The following ACACB variants were observed in gnomAD, a reference collection of about 807,000 sequenced individuals.
ACACB encodes the protein acetyl-CoA carboxylase beta.
ACACB carries 209 observed loss-of-function variants against 278.8 expected under a neutral mutation model. That is an observed-to-expected ratio of 0.75 (90% confidence interval 0.67 to 0.84). The LOEUF (loss-of-function observed/expected upper bound fraction) is 0.84, where lower values mean the gene tolerates loss of function less well. ACACB is among the 40% of genes least tolerant of loss of function. The pLI, the probability that ACACB is intolerant of heterozygous loss-of-function variation, is 0.00. For synonymous variants in ACACB, 1,174 were observed against 1,285.6 expected (o/e 0.91, Z 1.86); for missense variants, 2,850 against 3,269.0 (o/e 0.87, Z 3.13).
At position 109,265,186 on chromosome 12, in the gene ACACB, A is replaced by T; in HGVS notation, c.7019A>T (p.Lys2340Met). Reference sequence around the variant, plus strand: ...CGCCTCCTCCTGGAGGACCAGGTCAAGCAGGAGATCCTGCAGGCCAGCGGG... The same window carrying T: ...CGCCTCCTCCTGGAGGACCAGGTCATGCAGGAGATCCTGCAGGCCAGCGGG... Reference protein sequence around the residue: ...LRRLLLEDQVKQEILQASGEL... With the variant: ...LRRLLLEDQVMQEILQASGEL... Residue 2340 changes from lysine to methionine, a missense_variant, in exon 51 of 53, where the codon AAG becomes ATG. By Grantham distance (95) the Lys-to-Met change is moderately conservative. This residue lies in a region of ACACB where 579 missense variants were observed against 684.6 expected (regional missense o/e 0.85). Transcript: ENST00000338432. The T allele has an allele frequency of 6.2e-7, 1 of 1,613,832 alleles. No individual in the cohort carries two copies. The highest frequency in any genetic ancestry group is 8.5e-7 in the Non-Finnish European group (1 of 1,180,020).
At chr12:109,161,447 G>A (rs994325205) in intron 2 of ACACB, among the ~76,000 whole-genome samples, 4 of 152,096 alleles carry the variant, frequency 2.6e-5, no homozygotes, top group Non-Finnish European at 4.4e-5. Context: ...GGAGGCTGAG[G>A]GAGGAAAATT....
intron 43 of ACACB, 107 bp from the exon 44 acceptor site, chr12:109,254,107 A>G (rs2047163993): frequency 1.5e-6 from 2 of 1,375,898 alleles, no homozygotes; most frequent in Non-Finnish European, 2.1e-6. Flanking sequence ...GGGAGGGGAT[A>G]TTGCTGCATA....
In ACACB at chr12:109,259,112, AG is replaced by A. The variant is rs1441242236; in HGVS notation, c.6496+5del. On this transcript the variant is annotated splice_donor_5th_base_variant and intron_variant, in intron 47 of 52. Transcript: ENST00000338432. Reference sequence around the variant, plus strand: ...GGGTTCTCCGGTGGCATGAAAGGTAAGCCCCTCCCTGCCTATGTTACCCCAA... The same window carrying A: ...GGGTTCTCCGGTGGCATGAAAGGTAACCCCTCCCTGCCTATGTTACCCCAA... The A allele has an allele frequency of 6.2e-7, 1 of 1,613,750 alleles. No individual in the cohort carries two copies. Among genetic ancestry groups the A allele is most frequent in the African/African-American group, 1.3e-5 (1 of 75,008 alleles).
At chr12:109,177,009 T>C (rs1440577265) in intron 9 of ACACB, among the ~76,000 whole-genome samples, 3 of 152,240 alleles carry the variant, frequency 2.0e-5, no homozygotes, top group Admixed American at 6.5e-5. Flanking sequence ...TCAGCAATGT[T>C]TAGAAAACAT....
intron 6 of ACACB, among the ~76,000 whole-genome samples, chr12:109,172,850 A>T (rs186675513): frequency 6.6e-6 from 1 of 152,238 alleles, no homozygotes; most frequent in Non-Finnish European, 1.5e-5. Context: ...TCATTCGACC[A>T]TAAAGACGCA....
At chr12:109,197,790 G>A (rs1201737004) in intron 17 of ACACB, among the ~76,000 whole-genome samples, 1 of 152,154 alleles carries the variant, frequency 6.6e-6, no homozygotes, top group Non-Finnish European at 1.5e-5. Flanking sequence ...TGAAAGGGGA[G>A]GGGATGTCTG....
At chr12:109,170,371 T>C (rs932618771) in intron 4 of ACACB, among the ~76,000 whole-genome samples, 1 of 152,140 alleles carries the variant, frequency 6.6e-6, no homozygotes, top group African/African-American at 2.4e-5. Flanking sequence ...AGCCAGCGTG[T>C]GTTTTTTTAA....
chr12:109,230,501 C>T (rs182941842), intron 28 of ACACB, among the ~76,000 whole-genome samples: 25 of 152,130 alleles, frequency 1.6e-4, no homozygotes, highest in Non-Finnish European at 1.3e-4. Context: ...TAGCTCACTA[C>T]AGCCTTGAAC....
chr12:109,235,715 G>A, intron 33 of ACACB, 68 bp downstream of exon 33: 2 of 1,442,216 alleles, frequency 1.4e-6, no homozygotes, highest in Non-Finnish European at 1.9e-6. Context: ...AGATGGGATG[G>A]GGCCGGGTGT....
At chr12:109,120,504 C>T (rs2042519209) in intron 1 of ACACB, among the ~76,000 whole-genome samples, 1 of 152,112 alleles carries the variant, frequency 6.6e-6, no homozygotes, top group African/African-American at 2.4e-5. Context: ...GGTTCACAGG[C>T]TCGAGCTCTT....
intron 2 of ACACB, among the ~76,000 whole-genome samples, chr12:109,140,972 C>T (rs1218902863): frequency 7.1e-6 from 1 of 140,924 alleles, no homozygotes. Context: ...GATCATAGCT[C>T]ACTACAACCT....
In ACACB at chr12:109,211,944, A is replaced by G. The variant is rs930477183; in HGVS notation, c.3250-892A>G. ...ATATTTTTGATGCCAAAGGCAATACACCGATAACATTATGTGTAATGATAA... is the reference window on the plus strand; with the variant it reads ...ATATTTTTGATGCCAAAGGCAATACGCCGATAACATTATGTGTAATGATAA... On this transcript the variant is annotated intron_variant, in intron 21 of 52. Transcript: ENST00000338432. 2.0e-5 allele frequency among the ~76,000 whole-genome samples: 3 copies of G among 152,264 alleles called. 1 individual carries two copies. Among genetic ancestry groups the G allele is most frequent in the Admixed American group, 2.0e-4 (3 of 15,282 alleles).
Position 109,253,037 on chromosome 12 carries a change from CA to C in ACACB, c.5925del (p.Ser1976ProfsTer82), listed in dbSNP as rs1565975582. 6.2e-7 allele frequency: 1 copy of C among 1,611,786 alleles called. No individual in the cohort carries two copies. On this transcript the variant is annotated frameshift_variant, in exon 43 of 53. Transcript: ENST00000338432. LOFTEE classifies it high-confidence loss of function. ...CAGGTCCTGGGAAGAGAGGTCTACA[CA>C]TCCAACAACCAGCTGGGTGGCGTTC... ...LNKVLGREVY[T>X]SNNQLGGVQI...
At chr12:109,115,182 C>A (rs1037895956), upstream of ACACB, among the ~76,000 whole-genome samples, 6 of 152,174 alleles carry the variant, frequency 3.9e-5, no homozygotes, top group African/African-American at 1.4e-4. Flanking sequence ...CAATATAAAT[C>A]ATTTCATTTT....
In ACACB at chr12:109,264,312, T is replaced by G; in HGVS notation, c.6868T>G (p.Tyr2290Asp). The G allele has an allele frequency of 6.2e-7, 1 of 1,614,156 alleles. No individual in the cohort carries two copies. Among genetic ancestry groups the G allele is most frequent in the Non-Finnish European group, 8.5e-7 (1 of 1,180,028 alleles). The change falls in exon 50 of 53, where the codon TAC becomes GAC. Residue 2290 changes from tyrosine (Y) to aspartate (D), a missense_variant. Transcript: ENST00000338432. ...TCGCGAGGACCTGCTGCTCCCCATC[T>G]ACCACCAGGTGGCGGTGCAGTTCGC... ...KAREDLLLPI[Y>D]HQVAVQFADF...
intron 44 of ACACB, 50 bp from the exon 45 acceptor site, chr12:109,256,090 C>A (rs192439664): frequency 2.0e-6 from 3 of 1,530,088 alleles, no homozygotes; most frequent in East Asian, 2.3e-5. Context: ...GTCCTGGGGG[C>A]CCCCAGCCAC....
chr12:109,228,658 C>CAAAAAAAAAA (rs887136316), intron 28 of ACACB, among the ~76,000 whole-genome samples: 1 of 72,574 alleles, frequency 1.4e-5, no homozygotes, highest in African/African-American at 4.8e-5. Flanking sequence ...AACTCTGTCT[C>CAAAAAAAAAA]AAAAAAAAAA....
chr12:109,206,023 G>A (rs2045496231), intron 19 of ACACB, among the ~76,000 whole-genome samples: 1 of 152,164 alleles, frequency 6.6e-6, no homozygotes, highest in African/African-American at 2.4e-5. Flanking sequence ...AGATGCATTT[G>A]TATGAGATGT....
rs762548072 is a variant in ACACB, at chr12:109,223,952, T to C, written c.3882+48T>C. ...ACAGCACTGACCATGCCAGTTCTAGTGTTCACTGCCGCTACCATGCACCTG... is the reference window on the plus strand; with the variant it reads ...ACAGCACTGACCATGCCAGTTCTAGCGTTCACTGCCGCTACCATGCACCTG... On this transcript the variant is annotated intron_variant, in intron 27 of 52. Transcript: ENST00000338432. The C allele has an allele frequency of 2.7e-6, 4 of 1,499,848 alleles. No individual in the cohort carries two copies. In the South Asian group the frequency reaches 3.4e-5, roughly 13 times the overall value. The allele number at this position is 1,499,848 out of a possible 1,614,324, so 92.9% of individuals were successfully genotyped here. A position where few individuals can be genotyped will look rare whatever the true frequency, so the allele number is the denominator to read the frequency against.
Sources: gnomAD v4.1 joint callset for allele counts (sites outside exome capture counted in the v4.1 genomes callset) on GRCh38, gnomAD v4.1.1 for gene constraint, gnomAD v4.1.1 regional missense constraint, MANE v1.5 for transcripts, NCBI Gene and HGNC (gene_info 2026-07-23, HGNC 2026-07-21) for gene names.